PCBP3: variants seen among roughly 807,000 people sequenced by gnomAD.
PCBP3 encodes the protein poly(rC) binding protein 3.
In PCBP3, 25 loss-of-function variants were observed where a neutral mutation model predicts 52.7. The ratio of observed to expected loss-of-function variants is 0.47; its 90% CI spans 0.35 to 0.66. The LOEUF (loss-of-function observed/expected upper bound fraction) is 0.66, where lower values mean the gene tolerates loss of function less well. PCBP3 is among the 30% of genes least tolerant of loss of function. The probability of loss-of-function intolerance (pLI) is 0.01; values close to 1 mark genes in which losing one functional copy is unlikely to be tolerated. For missense variants in PCBP3, 391 were observed against 490.3 expected (o/e 0.80, Z 1.91); for synonymous variants, 162 against 183.0 (o/e 0.89, Z 0.93).
chr21:45,886,854 GC>G, intron 5 of PCBP3, among the ~76,000 whole-genome samples: 1 of 152,314 alleles, frequency 6.6e-6, no homozygotes, highest in East Asian at 1.9e-4. Flanking sequence ...CTGCTCTGAA[GC>G]CACCCCCGCA....
At chr21:45,816,379 C>T (rs562362495) in intron 4 of PCBP3, among the ~76,000 whole-genome samples, 5 of 147,806 alleles carry the variant, frequency 3.4e-5, no homozygotes, top group East Asian at 3.9e-4. Flanking sequence ...TATGCAGCTA[C>T]GCCAAAATAT....
intron 1 of PCBP3, among the ~76,000 whole-genome samples, chr21:45,655,520 T>A (rs879528384): frequency 4.6e-5 from 7 of 152,192 alleles, no homozygotes; most frequent in Non-Finnish European, 2.9e-5. Flanking sequence ...TAGTGACTGA[T>A]GGTATTCAGC....
chr21:45,813,759 A>G (rs970309461), intron 4 of PCBP3, among the ~76,000 whole-genome samples: 5 of 152,146 alleles, frequency 3.3e-5, no homozygotes, highest in Admixed American at 6.5e-5. Flanking sequence ...TTAATTTTCT[A>G]ACAAATTTAT....
intron 2 of PCBP3, among the ~76,000 whole-genome samples, chr21:45,670,271 A>G (rs1353860385): frequency 6.6e-6 from 1 of 152,116 alleles, no homozygotes; most frequent in East Asian, 1.9e-4. Context: ...AGAAATGTCT[A>G]TTCAGGTCAT....
chr21:45,900,925 GACTTGCGGCCCCCGACCC>G (rs2096018020), intron 8 of PCBP3, 54 bp from the exon 9 acceptor site: 1 of 1,021,494 alleles, frequency 9.8e-7, no homozygotes, highest in African/African-American at 1.6e-5. Flanking sequence ...ATTGTCAACG[GACTTGCGGCCCCCGACCC>G]ACTGGCCCAA....
Position 45,877,541 on chromosome 21 carries a change from C to T in PCBP3, c.11-18667C>T, listed in dbSNP as rs541300402. 2.0e-5 allele frequency among the ~76,000 whole-genome samples: 3 copies of T among 152,338 alleles called. No individual in the cohort carries two copies. The South Asian group carries it at 6.2e-4, about 32-fold the overall frequency. On this transcript the variant is annotated intron_variant, in intron 5 of 17. Coordinates refer to ENST00000681687, the MANE Select transcript of PCBP3 (RefSeq NM_001384156.1). The stretch of plus-strand genomic sequence containing the variant: ...TGAAATGGCCAGGTGCAATGGCTCA[C>T]GCCTGTAATCCCAACACTTTGGGAG...
At chr21:45,680,155 G>A (rs2081747769) in intron 2 of PCBP3, among the ~76,000 whole-genome samples, 1 of 152,144 alleles carries the variant, frequency 6.6e-6, no homozygotes, top group South Asian at 2.1e-4. Flanking sequence ...AAATTGGGTA[G>A]AGATTTCTCT....
At chr21:45,696,668 G>A (rs1193505804) in intron 2 of PCBP3, among the ~76,000 whole-genome samples, 1 of 152,072 alleles carries the variant, frequency 6.6e-6, no homozygotes, top group African/African-American at 2.4e-5. Flanking sequence ...GCGCACGCCT[G>A]TAGTCCCAGC....
At chr21:45,815,552 AGTG>A (rs369585061) in intron 4 of PCBP3, among the ~76,000 whole-genome samples, 2 of 35,954 alleles carry the variant, frequency 5.6e-5, no homozygotes, top group Admixed American at 3.2e-4. Context: ...GTGAGTGATG[AGTG>A]GTGAGTGGTG....
intron 2 of PCBP3, among the ~76,000 whole-genome samples, chr21:45,698,315 T>C (rs1165440693): frequency 6.6e-6 from 1 of 152,244 alleles, no homozygotes; most frequent in Non-Finnish European, 1.5e-5. Context: ...TGACACTGTA[T>C]GGCATTGAAG....
chr21:45,908,024 C>T (rs987421253), intron 9 of PCBP3, among the ~76,000 whole-genome samples: 1 of 152,120 alleles, frequency 6.6e-6, no homozygotes, highest in African/African-American at 2.4e-5. Flanking sequence ...CCTCTTCATA[C>T]CAATCAAAAA....
rs370710244 is a variant in PCBP3, at chr21:45,821,355, C to T, written c.-125-28606C>T. On this transcript the variant is annotated intron_variant, in intron 4 of 17. Transcript: ENST00000681687. The surrounding 1 kb of genome is among the most constrained non-coding windows in gnomAD (Gnocchi z 4.4). ...GCCCAGGAGGTCCTCAACTGAGGTC[C>T]AGTACCCCCCTGCACCACGCTGTGG... Among the ~76,000 whole-genome samples, 2 of 152,022 alleles carry T rather than the reference C, an allele frequency of 1.3e-5. No individual in the cohort carries two copies. The highest frequency in any genetic ancestry group is 4.8e-5 in the African/African-American group (2 of 41,386).
At chr21:45,711,050 C>T (rs558778695) in intron 2 of PCBP3, among the ~76,000 whole-genome samples, 64 of 152,248 alleles carry the variant, frequency 4.2e-4, no homozygotes, top group African/African-American at 1.3e-3. Flanking sequence ...TGATGATGCT[C>T]CAGGCTCATT....
chr21:45,791,956 G>A lies in PCBP3; in HGVS notation c.-126+36504G>A, dbSNP rs931563551. ...AGTCCCCATCCTTAGGGCAGTGCCC[G>A]CCCTCAGGCTGACAGCCTTTCCTTT... On this transcript the variant is annotated intron_variant, in intron 4 of 17. Transcript: ENST00000681687. The surrounding 1 kb of genome is among the most constrained non-coding windows in gnomAD (Gnocchi z 4.2). Among the ~76,000 whole-genome samples, 6 of 152,232 alleles carry A rather than the reference G, an allele frequency of 3.9e-5. No homozygotes were observed. The highest frequency in any genetic ancestry group is 2.0e-4 in the Admixed American group (3 of 15,292).
chr21:45,765,338 C>T (rs191835022), intron 4 of PCBP3, among the ~76,000 whole-genome samples: 6 of 152,290 alleles, frequency 3.9e-5, no homozygotes, highest in Non-Finnish European at 7.4e-5. Context: ...GGGCATTGGC[C>T]AGATGAAAAC....
chr21:45,726,574 G>A lies in PCBP3; in HGVS notation c.-199-8818G>A, dbSNP rs79940702. On this transcript the variant is annotated intron_variant, in intron 2 of 17. Transcript: ENST00000681687. ...CCCTGCTTTCCCCTGTCAGTGGGTT[G>A]CAGGCCCATGATCCCGCCAGGCCTG... Among the ~76,000 whole-genome samples the A allele has an allele frequency of 2.1e-3, 315 of 152,278 alleles. 1 individual carries two copies. The highest frequency in any genetic ancestry group is 7.3e-3 in the African/African-American group (303 of 41,554).
chr21:45,884,041 C>T (rs1266636115), intron 5 of PCBP3, among the ~76,000 whole-genome samples: 1 of 152,126 alleles, frequency 6.6e-6, no homozygotes, highest in Non-Finnish European at 1.5e-5. Flanking sequence ...TGAAGTGATC[C>T]CCCCACCCCA....
At chr21:45,903,608 A>C (rs2839043) in intron 9 of PCBP3, among the ~76,000 whole-genome samples, 57,642 of 152,020 alleles carry the variant, frequency 0.38, 11,659 homozygotes, top group East Asian at 0.79. Context: ...ATGTGCTAAC[A>C]TAACAATTAT....
At chr21:45,659,633 T>C (rs1460611302) in intron 1 of PCBP3, among the ~76,000 whole-genome samples, 1 of 152,172 alleles carries the variant, frequency 6.6e-6, no homozygotes, top group Non-Finnish European at 1.5e-5. Flanking sequence ...TTACAGGCGT[T>C]AGCCACTGTG....
Sources: gnomAD v4.1 joint callset for allele counts (sites outside exome capture counted in the v4.1 genomes callset) on GRCh38, gnomAD v4.1.1 for gene constraint, Gnocchi (gnomAD v3.1) non-coding constraint, MANE v1.5 for transcripts, NCBI Gene and HGNC (gene_info 2026-07-23, HGNC 2026-07-21) for gene names.